Variants in AUTS2 observed in about 807,000 individuals in gnomAD.
AUTS2 encodes activator of transcription and developmental regulator AUTS2.
Under a neutral mutation model 112.4 loss-of-function variants are expected in AUTS2, and 17 were observed. The observed-to-expected ratio is 0.15, with a 90% CI of 0.10 to 0.23. AUTS2 has a LOEUF of 0.23. Among genes scored for constraint, AUTS2 ranks in the 10% least tolerant of loss-of-function variants. The pLI, the probability that AUTS2 is intolerant of heterozygous loss-of-function variation, is 1.00. For missense variants in AUTS2, 1,510 were observed against 1,701.6 expected, an observed-to-expected ratio of 0.89 and a Z score of 1.98; for synonymous variants, 751 against 702.7, an observed-to-expected ratio of 1.07 and a Z score of -1.09.
intron 1 of AUTS2, among the ~76,000 whole-genome samples, chr7:69,879,120 C>CTGTGTGTGTGTGTGTG (rs5884770): frequency 6.8e-6 from 1 of 147,710 alleles, no homozygotes; most frequent in African/African-American, 2.5e-5. Context: ...TTGAGACTTT[C>CTGTGTGTGTGTGTGTG]TGTGTGTGTG....
chr7:70,471,301 A>T (rs1187137415), intron 5 of AUTS2, among the ~76,000 whole-genome samples: 1 of 152,168 alleles, frequency 6.6e-6, no homozygotes, highest in Non-Finnish European at 1.5e-5. Flanking sequence ...AAGGGGAAAA[A>T]AAAGGCATCC....
At chr7:69,661,568 G>A (rs1280137227) in intron 1 of AUTS2, among the ~76,000 whole-genome samples, 1 of 152,200 alleles carries the variant, frequency 6.6e-6, no homozygotes, top group East Asian at 1.9e-4. Context: ...AACTGGGACA[G>A]TAATTGGTGT....
chr7:70,110,861 T>A (rs1249674121), intron 2 of AUTS2, among the ~76,000 whole-genome samples: 1 of 30,614 alleles, frequency 3.3e-5, no homozygotes, highest in African/African-American at 2.8e-4. Flanking sequence ...CTTTCTTTCT[T>A]TTTTTTTTTT....
intron 4 of AUTS2, among the ~76,000 whole-genome samples, chr7:70,396,638 A>C (rs1336240011): frequency 6.6e-6 from 1 of 152,150 alleles, no homozygotes; most frequent in South Asian, 2.1e-4. Context: ...CAGATGCCCA[A>C]AGTGTTGGGA....
intron 1 of AUTS2, among the ~76,000 whole-genome samples, chr7:69,885,249 C>T (rs1240875760): frequency 6.6e-6 from 1 of 152,156 alleles, no homozygotes; most frequent in African/African-American, 2.4e-5. Context: ...ATAGGCAGAA[C>T]ATATGGAATT....
chr7:70,184,870 T>C (rs1490270349), intron 4 of AUTS2, among the ~76,000 whole-genome samples: 2 of 152,214 alleles, frequency 1.3e-5, no homozygotes, highest in Admixed American at 6.5e-5. Flanking sequence ...ACAGATATTT[T>C]TCAATTTTTC....
At chr7:70,748,935 C>G (rs1788631235) in intron 6 of AUTS2, among the ~76,000 whole-genome samples, 1 of 152,174 alleles carries the variant, frequency 6.6e-6, no homozygotes, top group African/African-American at 2.4e-5. Flanking sequence ...TGAGAAGCAT[C>G]AGGTCCTTGA....
At chr7:70,603,415 C>G (rs38308) in intron 5 of AUTS2, among the ~76,000 whole-genome samples, 81,209 of 151,988 alleles carry the variant, frequency 0.53, 22,124 homozygotes, top group Middle Eastern at 0.59. Flanking sequence ...GAAGAGGCTT[C>G]TTGGCCAGAT....
At chr7:70,242,374 C>T (rs564767891) in intron 4 of AUTS2, among the ~76,000 whole-genome samples, 3 of 152,136 alleles carry the variant, frequency 2.0e-5, no homozygotes, top group South Asian at 2.1e-4. Context: ...CTTTGGCTCT[C>T]CTCTCTCATC....
At chr7:69,796,973 C>T (rs781455623) in intron 1 of AUTS2, among the ~76,000 whole-genome samples, 1 of 152,162 alleles carries the variant, frequency 6.6e-6, no homozygotes, top group Non-Finnish European at 1.5e-5. Context: ...ATTAACTAGG[C>T]TCCATCTGAA....
intron 6 of AUTS2, among the ~76,000 whole-genome samples, chr7:70,703,171 C>G (rs1340602122): frequency 6.6e-6 from 1 of 152,118 alleles, no homozygotes; most frequent in Non-Finnish European, 1.5e-5. Flanking sequence ...AGTTATATTA[C>G]CATCAAGGTC....
intron 2 of AUTS2, among the ~76,000 whole-genome samples, chr7:70,092,379 C>T (rs1423532463): frequency 1.3e-5 from 2 of 152,170 alleles, no homozygotes; most frequent in African/African-American, 2.4e-5. Flanking sequence ...TACTGCTTCA[C>T]ATGAGCTGAG....
chr7:70,031,390 C>A (rs1800772079), intron 2 of AUTS2, among the ~76,000 whole-genome samples: 1 of 152,082 alleles, frequency 6.6e-6, no homozygotes. Context: ...AGCTGTTGAC[C>A]TTCCCTTTCA....
chr7:69,830,681 AG>A (rs1171715577), intron 1 of AUTS2, among the ~76,000 whole-genome samples: 2 of 152,170 alleles, frequency 1.3e-5, no homozygotes, highest in Non-Finnish European at 2.9e-5. Flanking sequence ...CTTGCAATGG[AG>A]CATATTTATT....
intron 5 of AUTS2, among the ~76,000 whole-genome samples, chr7:70,630,475 C>G (rs1184319489): frequency 6.6e-6 from 1 of 152,188 alleles, no homozygotes; most frequent in Non-Finnish European, 1.5e-5. Flanking sequence ...GTCACTTTAA[C>G]TGGTTTCTTC....
chr7:69,634,819 C>T (rs1349102043), intron 1 of AUTS2, among the ~76,000 whole-genome samples: 1 of 152,152 alleles, frequency 6.6e-6, no homozygotes, highest in Non-Finnish European at 1.5e-5. Flanking sequence ...TGAATTCCAG[C>T]TGCTGCCATT....
intron 1 of AUTS2, among the ~76,000 whole-genome samples, chr7:69,836,037 T>C (rs1328766575): frequency 6.6e-6 from 1 of 152,190 alleles, no homozygotes; most frequent in Non-Finnish European, 1.5e-5. Flanking sequence ...CATTTATCTG[T>C]TTCTTCAGTT....
At chr7:70,553,029 G>A (rs1801079251) in intron 5 of AUTS2, among the ~76,000 whole-genome samples, 3 of 152,176 alleles carry the variant, frequency 2.0e-5, no homozygotes, top group Admixed American at 2.0e-4. Context: ...GCCAGCAGAA[G>A]GCCTGGAGCA....
chr7:70,095,075 C>A (rs770367694), intron 2 of AUTS2, among the ~76,000 whole-genome samples: 1 of 152,138 alleles, frequency 6.6e-6, no homozygotes, highest in African/African-American at 2.4e-5. Context: ...TAACCTGAAA[C>A]GTGAACTGAA....
Sources: gnomAD v4.1 joint callset for allele counts (sites outside exome capture counted in the v4.1 genomes callset) on GRCh38, gnomAD v4.1.1 for gene constraint, MANE v1.5 for transcripts, NCBI Gene and HGNC (gene_info 2026-07-23, HGNC 2026-07-21) for gene names.